The following VPS13C variants were observed in gnomAD, a reference collection of about 807,000 sequenced individuals.
The protein encoded by VPS13C is intermembrane lipid transfer protein VPS13C.
In VPS13C, 358 loss-of-function variants were observed where a neutral mutation model predicts 456.8. The ratio of observed to expected loss-of-function variants is 0.78; its 90% CI spans 0.72 to 0.86. The LOEUF is 0.86. Among genes scored for constraint, VPS13C ranks in the 40% least tolerant of loss-of-function variants. The pLI is 0.00. For synonymous variants in VPS13C, 1,578 were observed against 1,486.7 expected, an observed-to-expected ratio of 1.06 and a Z score of -1.41; for missense variants, 4,818 against 4,385.4, an observed-to-expected ratio of 1.10 and a Z score of -2.79.
At chr15:61,910,567 G>A (rs1247070835) in intron 63 of VPS13C, among the ~76,000 whole-genome samples, 2 of 152,028 alleles carry the variant, frequency 1.3e-5, no homozygotes, top group Non-Finnish European at 2.9e-5. Context: ...TGAGGAGCCT[G>A]TTGATTAAGA....
chr15:61,915,342 G>A (rs1256115004), intron 61 of VPS13C, among the ~76,000 whole-genome samples: 1 of 152,014 alleles, frequency 6.6e-6, no homozygotes, highest in African/African-American at 2.4e-5. Context: ...TTTCATCACT[G>A]GTAAAGTACA....
intron 12 of VPS13C, among the ~76,000 whole-genome samples, chr15:62,011,775 T>A (rs1385527687): frequency 6.6e-6 from 1 of 151,754 alleles, no homozygotes; most frequent in African/African-American, 2.4e-5. Flanking sequence ...ATCTCAGAGA[T>A]TTAGTTACTT....
chr15:61,875,614 G>A (rs1895360500), intron 76 of VPS13C, 118 bp downstream of exon 76: 1 of 698,488 alleles, frequency 1.4e-6, no homozygotes, highest in East Asian at 2.8e-5. Context: ...ATATACTTTT[G>A]TGATTTGAAC....
chr15:61,998,686 T>C (rs116666175), intron 16 of VPS13C, among the ~76,000 whole-genome samples: 2,932 of 152,318 alleles, frequency 0.019, 64 homozygotes, highest in South Asian at 0.069. Flanking sequence ...TTAGCCATAA[T>C]GCAAGCATAA....
At chr15:61,973,399 G>C in intron 26 of VPS13C, 55 bp downstream of exon 26, 1 of 1,404,978 alleles carries the variant, frequency 7.1e-7, no homozygotes. Context: ...TGTTATCTCT[G>C]TATAACAATG....
chr15:61,940,638 G>T lies in VPS13C; in HGVS notation c.5601+9C>A. On this transcript the variant is annotated intron_variant, in intron 47 of 84. Transcript: ENST00000644861. The stretch of plus-strand genomic sequence containing the variant: ...AGAAATTTTCATATATTATATACTA[G>T]CTACTTACCTGCATAGGTTTTAGTT... 6.2e-7 allele frequency: 1 copy of T among 1,610,390 alleles called. No homozygotes were observed.
intron 18 of VPS13C, 56 bp downstream of exon 18, chr15:61,990,943 AT>A: frequency 8.5e-7 from 1 of 1,176,462 alleles, no homozygotes; most frequent in South Asian, 1.3e-5. Context: ...GTCTAATCCA[AT>A]TCAATCTAAT....
intron 22 of VPS13C, among the ~76,000 whole-genome samples, chr15:61,980,145 C>T (rs1274301270): frequency 7.5e-6 from 1 of 132,778 alleles, no homozygotes; most frequent in Non-Finnish European, 1.5e-5. Context: ...GACTGCACCA[C>T]TGCACTCCAG....
At chr15:61,901,102 A>C (rs1362176510) in intron 66 of VPS13C, among the ~76,000 whole-genome samples, 1 of 151,278 alleles carries the variant, frequency 6.6e-6, no homozygotes, top group Non-Finnish European at 1.5e-5. Flanking sequence ...CTTATACAAA[A>C]ATCAATTCAA....
chr15:61,917,961 A>AT (rs1191004261), intron 59 of VPS13C, among the ~76,000 whole-genome samples, 175 bp downstream of exon 59: 1 of 152,124 alleles, frequency 6.6e-6, no homozygotes, highest in Non-Finnish European at 1.5e-5. Context: ...ACAGTCAGGA[A>AT]TTTTCACCTG....
chr15:61,913,422 C>T lies in VPS13C; in HGVS notation c.8446-7G>A, dbSNP rs556469035. 6.2e-7 allele frequency: 1 copy of T among 1,605,238 alleles called. No individual in the cohort carries two copies. Among genetic ancestry groups the T allele is most frequent in the South Asian group, 1.1e-5 (1 of 90,800 alleles). ...TTGAAATTTTTAATTGTACCTATACCAGAGAGCACATATCGTCATATAAGA... is the reference window on the plus strand; with the variant it reads ...TTGAAATTTTTAATTGTACCTATACTAGAGAGCACATATCGTCATATAAGA... On this transcript the variant is annotated splice_region_variant and splice_polypyrimidine_tract_variant and intron_variant, in intron 61 of 84. Coordinates refer to ENST00000644861, the MANE Select transcript of VPS13C (RefSeq NM_020821.3).
At chr15:61,925,712 A>C (rs762226619) in intron 52 of VPS13C, among the ~76,000 whole-genome samples, 164 bp from the exon 53 acceptor site, 13 of 152,162 alleles carry the variant, frequency 8.5e-5, no homozygotes, top group Non-Finnish European at 1.3e-4. Flanking sequence ...TGTTGTGAAG[A>C]CTCTTCTGAA....
intron 1 of VPS13C, among the ~76,000 whole-genome samples, chr15:62,051,744 G>A (rs1033894787): frequency 2.0e-5 from 3 of 152,190 alleles, no homozygotes; most frequent in Non-Finnish European, 4.4e-5. Context: ...GGCACAGGCA[G>A]AACGGTAGGA....
chr15:61,953,407 A>C (rs917184916), intron 38 of VPS13C, among the ~76,000 whole-genome samples: 5 of 115,104 alleles, frequency 4.3e-5, no homozygotes, highest in Non-Finnish European at 6.7e-5. Flanking sequence ...ACCCCATAAC[A>C]GTCCCCAGAA....
At chr15:62,022,807 C>A (rs763814222) in intron 8 of VPS13C, among the ~76,000 whole-genome samples, 38 of 151,838 alleles carry the variant, frequency 2.5e-4, no homozygotes, top group Admixed American at 7.2e-4. Context: ...AACTTTTAAA[C>A]AAAGCAATGC....
chr15:61,919,300 A>G lies in VPS13C; in HGVS notation c.7627T>C (p.Ser2543Pro). The stretch of plus-strand genomic sequence containing the variant: ...CTTTGAAGTATTACCTGTAGAGGAG[A>G]GCGAAGGGTAATTACTTTATTCCCT... ...TEGNKVITLR[S>P]PLQIKNHFSI... is the part of the protein sequence containing the mutation. The change falls in exon 58 of 85, where the codon TCT (serine) becomes CCT (proline). Residue 2543 changes from serine (S) to proline (P), a missense_variant. Transcript: ENST00000644861. The G allele has an allele frequency of 6.3e-7, 1 of 1,597,844 alleles. No individual in the cohort carries two copies. Among genetic ancestry groups the G allele is most frequent in the East Asian group, 2.3e-5 (1 of 43,668 alleles).
At chr15:61,976,209 C>T (rs1019798737) in intron 24 of VPS13C, among the ~76,000 whole-genome samples, 1 of 151,758 alleles carries the variant, frequency 6.6e-6, no homozygotes, top group Non-Finnish European at 1.5e-5. Flanking sequence ...TGAGGTTAAT[C>T]GGTAATGAAA....
At position 61,872,034 on chromosome 15, in the gene VPS13C, C is replaced by T. The variant is rs2140878077; in HGVS notation, c.10579G>A (p.Gly3527Arg). The T allele has an allele frequency of 6.2e-7, 1 of 1,612,340 alleles. No individual in the cohort carries two copies. Among genetic ancestry groups the T allele is most frequent in the African/African-American group, 1.3e-5 (1 of 74,926 alleles). Residue 3527 changes from glycine (G) to arginine (R), a missense_variant and splice_region_variant, in exon 79 of 85, where the codon GGA becomes AGA. Physicochemically the swap from Gly to Arg is moderately radical, Grantham distance 125. This residue lies in a region of VPS13C where 4,552 missense variants were observed against 4,130.6 expected (regional missense o/e 1.10). Coordinates refer to ENST00000644861, the MANE Select transcript of VPS13C (RefSeq NM_020821.3). ...LARGGKGFLRGVVGGVTGIIT... is the reference protein window; with the variant it reads ...LARGGKGFLRRVVGGVTGIIT... ...ATTCCAGTCACTCCACCAACAACTC[C>T]CTGAAAGAGAAATCAATCATATAGT...
intron 66 of VPS13C, among the ~76,000 whole-genome samples, chr15:61,897,214 T>C (rs377617216): frequency 2.6e-5 from 4 of 152,188 alleles, no homozygotes; most frequent in Non-Finnish European, 4.4e-5. Flanking sequence ...TCCAAAGGAA[T>C]GCAGTTCCTC....
Sources: gnomAD v4.1 joint callset for allele counts (sites outside exome capture counted in the v4.1 genomes callset) on GRCh38, gnomAD v4.1.1 for gene constraint, gnomAD v4.1.1 regional missense constraint, MANE v1.5 for transcripts, NCBI Gene and HGNC (gene_info 2026-07-23, HGNC 2026-07-21) for gene names.